Variants in ENOX1 observed in about 807,000 individuals in gnomAD.
ENOX1 encodes ecto-NOX disulfide-thiol exchanger 1.
A neutral mutation model predicts 82.5 loss-of-function variants in ENOX1; 42 were observed. The observed-to-expected ratio is 0.51, with a 90% CI of 0.40 to 0.66. ENOX1 has a LOEUF of 0.66. Among genes scored for constraint, ENOX1 ranks in the 30% least tolerant of loss-of-function variants. The pLI, the probability that ENOX1 is intolerant of heterozygous loss-of-function variation, is 0.00. For synonymous variants in ENOX1, 271 were observed against 282.2 expected (o/e 0.96, Z 0.40); for missense variants, 608 against 811.6 (o/e 0.75, Z 3.05).
chr13:43,592,471 CAAAGA>C (rs1412761404), intron 2 of ENOX1, among the ~76,000 whole-genome samples: 6 of 151,970 alleles, frequency 3.9e-5, no homozygotes, highest in Admixed American at 2.6e-4. Context: ...AACAAGTACA[CAAAGA>C]ATAGAACAAA....
intron 5 of ENOX1, among the ~76,000 whole-genome samples, chr13:43,362,874 A>C (rs2050618767): frequency 6.6e-6 from 1 of 152,184 alleles, no homozygotes; most frequent in African/African-American, 2.4e-5. Context: ...TAAAAACTCC[A>C]TTTAATTTCA....
intron 16 of ENOX1, among the ~76,000 whole-genome samples, chr13:43,219,368 C>G (rs979877426): frequency 1.3e-5 from 2 of 152,192 alleles, no homozygotes; most frequent in Non-Finnish European, 2.9e-5. Context: ...ACTATGAAAT[C>G]TTTTCCCCAT....
At chr13:43,754,323 G>A (rs1594696540) in intron 1 of ENOX1, among the ~76,000 whole-genome samples, 1 of 142,036 alleles carries the variant, frequency 7.0e-6, no homozygotes, top group East Asian at 2.1e-4. Flanking sequence ...GTGTGTGTGT[G>A]TATATATATA....
chr13:43,578,405 T>C lies in ENOX1; in HGVS notation c.-219+89074A>G, dbSNP rs1007527291. Among the ~76,000 whole-genome samples, 22 of 152,334 alleles carry C rather than the reference T, an allele frequency of 1.4e-4. No homozygotes were observed. The South Asian group carries it at 2.5e-3, about 17-fold the overall frequency. ...TTGTGCTCTAGAATAATTTTGTTTA[T>C]AAAATTTTTTGACACATTTGAAAAC... On this transcript the variant is annotated intron_variant, in intron 2 of 16. Coordinates refer to ENST00000690772, the MANE Select transcript of ENOX1 (RefSeq NM_001347969.2).
chr13:43,380,489 A>G (rs2153574727), intron 5 of ENOX1, among the ~76,000 whole-genome samples: 1 of 151,894 alleles, frequency 6.6e-6, no homozygotes, highest in East Asian at 1.9e-4. Context: ...GTGGCAGACA[A>G]ATAGAAAATT....
chr13:43,463,694 A>C (rs967135563), intron 3 of ENOX1, among the ~76,000 whole-genome samples: 3 of 152,234 alleles, frequency 2.0e-5, no homozygotes, highest in Admixed American at 2.0e-4. Context: ...TATGTTGTAC[A>C]CATGCCGGCT....
intron 3 of ENOX1, among the ~76,000 whole-genome samples, chr13:43,454,852 T>G (rs1377164794): frequency 6.6e-6 from 1 of 152,110 alleles, no homozygotes; most frequent in Non-Finnish European, 1.5e-5. Context: ...TTTTTTTTTT[T>G]TTTTTTACAC....
chr13:43,301,900 A>C (rs990387862), intron 11 of ENOX1, among the ~76,000 whole-genome samples: 1 of 152,146 alleles, frequency 6.6e-6, no homozygotes, highest in African/African-American at 2.4e-5. Context: ...AAAAAATCCT[A>C]ATAATTTCTG....
At chr13:43,218,208 T>C (rs2041591723) in intron 16 of ENOX1, among the ~76,000 whole-genome samples, 1 of 152,234 alleles carries the variant, frequency 6.6e-6, no homozygotes, top group Non-Finnish European at 1.5e-5. Context: ...TTAGCTGTAG[T>C]TTCTGTTGGT....
intron 14 of ENOX1, among the ~76,000 whole-genome samples, chr13:43,256,761 A>G (rs1033194597): frequency 2.6e-5 from 4 of 152,236 alleles, no homozygotes; most frequent in African/African-American, 4.8e-5. Context: ...GAGTTTCTTC[A>G]GAAAAGTAAA....
intron 16 of ENOX1, 58 bp downstream of exon 16, chr13:43,223,995 G>T: frequency 7.7e-7 from 1 of 1,301,898 alleles, no homozygotes; most frequent in Non-Finnish European, 1.1e-6. Flanking sequence ...CCACCTGCAG[G>T]CAGCAATCAA....
intron 1 of ENOX1, among the ~76,000 whole-genome samples, chr13:43,719,168 T>C (rs1241954748): frequency 6.6e-6 from 1 of 152,170 alleles, no homozygotes; most frequent in Non-Finnish European, 1.5e-5. Context: ...GTTACTCTTC[T>C]AAGTATTTGT....
intron 16 of ENOX1, among the ~76,000 whole-genome samples, chr13:43,223,149 TC>T (rs2041873133): frequency 6.6e-6 from 1 of 152,232 alleles, no homozygotes; most frequent in Non-Finnish European, 1.5e-5. Flanking sequence ...CTGTGTCTGT[TC>T]AGGGACACAG....
intron 11 of ENOX1, chr13:43,321,096 G>C (rs757466913): frequency 2.2e-6 from 1 of 456,284 alleles, no homozygotes; most frequent in Non-Finnish European, 4.4e-6. Flanking sequence ...TGTATGTTAA[G>C]CACCTGAAAG....
At chr13:43,657,790 C>T (rs923268097) in intron 2 of ENOX1, among the ~76,000 whole-genome samples, 7 of 152,152 alleles carry the variant, frequency 4.6e-5, no homozygotes. Context: ...ATCCAGGCTA[C>T]CTATGGAGTG....
intron 1 of ENOX1, among the ~76,000 whole-genome samples, chr13:43,735,258 C>G (rs144250501): frequency 9.4e-4 from 143 of 152,280 alleles, no homozygotes; most frequent in Non-Finnish European, 1.7e-3. Context: ...CAATTACAAC[C>G]TGGCTTTTCT....
At chr13:43,782,445 A>T (rs959616832) in intron 1 of ENOX1, among the ~76,000 whole-genome samples, 3 of 152,202 alleles carry the variant, frequency 2.0e-5, no homozygotes, top group African/African-American at 7.2e-5. Flanking sequence ...CCAAATTATT[A>T]TTCTTTTGGA....
At chr13:43,226,747 C>T (rs186973020) in intron 15 of ENOX1, among the ~76,000 whole-genome samples, 84 of 152,242 alleles carry the variant, frequency 5.5e-4, no homozygotes, top group African/African-American at 1.4e-3. Context: ...TGCTCCTAGT[C>T]GGAAGCTTTT....
At chr13:43,655,953 G>C (rs2084412760) in intron 2 of ENOX1, among the ~76,000 whole-genome samples, 1 of 152,080 alleles carries the variant, frequency 6.6e-6, no homozygotes, top group South Asian at 2.1e-4. Context: ...AATATCCTGG[G>C]GCAAAACGGT....
Sources: allele counts gnomAD v4.1 joint callset (sites outside exome capture counted in the v4.1 genomes callset), GRCh38; gene constraint gnomAD v4.1.1; transcripts MANE v1.5; gene names NCBI Gene and HGNC (gene_info 2026-07-23, HGNC 2026-07-21).